The following HS2ST1 variants were observed in gnomAD, a reference collection of about 807,000 sequenced individuals.
HS2ST1 encodes 2-O-sulfotransferase.
A neutral mutation model predicts 42.9 loss-of-function variants in HS2ST1; 18 were observed. That is an observed-to-expected ratio of 0.42 (90% CI 0.29 to 0.62). The LOEUF (loss-of-function observed/expected upper bound fraction) is 0.62, where lower values mean the gene tolerates loss of function less well. Among genes scored for constraint, HS2ST1 ranks in the 20% least tolerant of loss-of-function variants. The probability of loss-of-function intolerance (pLI) is 0.21; values close to 1 mark genes in which losing one functional copy is unlikely to be tolerated. For missense variants in HS2ST1, 334 were observed against 433.8 expected, an observed-to-expected ratio of 0.77 and a Z score of 2.04; for synonymous variants, 146 against 152.9, an observed-to-expected ratio of 0.95 and a Z score of 0.33.
At chr1:86,925,757 A>C (rs1262169995) in intron 1 of HS2ST1, among the ~76,000 whole-genome samples, 1 of 152,168 alleles carries the variant, frequency 6.6e-6, no homozygotes, top group East Asian at 1.9e-4. Flanking sequence ...AAACCATATC[A>C]CATGCTTTTC....
chr1:87,010,050 CAAAACAAAAAAA>C (rs1649553791), intron 1 of HS2ST1, among the ~76,000 whole-genome samples: 2 of 35,316 alleles, frequency 5.7e-5, no homozygotes, highest in African/African-American at 1.0e-4. Context: ...CAAAACAAAA[CAAAACAAAAAAA>C]AAAACAAAAA....
chr1:86,963,864 T>C (rs1427868755), intron 1 of HS2ST1, among the ~76,000 whole-genome samples: 1 of 139,850 alleles, frequency 7.2e-6, no homozygotes, highest in Non-Finnish European at 1.6e-5. Context: ...CCGGACGGGG[T>C]GGCTGGCCGG....
chr1:86,942,236 A>C (rs1327506584), intron 1 of HS2ST1, among the ~76,000 whole-genome samples: 1 of 152,216 alleles, frequency 6.6e-6, no homozygotes, highest in Non-Finnish European at 1.5e-5. Flanking sequence ...TGTTTATAGA[A>C]CTAGATTGTT....
chr1:86,999,242 G>A (rs112663576), intron 1 of HS2ST1, among the ~76,000 whole-genome samples: 3,580 of 151,970 alleles, frequency 0.024, 74 homozygotes, highest in African/African-American at 0.049. Context: ...GCAATGGTGC[G>A]ATCTCGGCTC....
At chr1:87,063,954 C>T (rs924061277) in intron 1 of HS2ST1, among the ~76,000 whole-genome samples, 1 of 152,172 alleles carries the variant, frequency 6.6e-6, no homozygotes, top group African/African-American at 2.4e-5. Context: ...TCCACTGATA[C>T]TGCAGAGGTG....
chr1:87,049,200 G>T (rs1650771774), intron 1 of HS2ST1, among the ~76,000 whole-genome samples: 1 of 151,896 alleles, frequency 6.6e-6, no homozygotes, highest in African/African-American at 2.4e-5. Context: ...ATTGGCTACA[G>T]TTGCTTATAA....
chr1:87,063,666 C>T (rs1557533072), intron 1 of HS2ST1, among the ~76,000 whole-genome samples: 1 of 152,086 alleles, frequency 6.6e-6, no homozygotes, highest in Non-Finnish European at 1.5e-5. Flanking sequence ...ATTTTCTCTA[C>T]TGAGATTGTA....
chr1:86,930,810 T>G (rs1660527113), intron 1 of HS2ST1, among the ~76,000 whole-genome samples: 1 of 152,010 alleles, frequency 6.6e-6, no homozygotes. Context: ...GTTGAGTATT[T>G]GTTTTATGTG....
At chr1:86,979,630 A>G (rs1570460687) in intron 1 of HS2ST1, among the ~76,000 whole-genome samples, 1 of 152,248 alleles carries the variant, frequency 6.6e-6, no homozygotes, top group East Asian at 1.9e-4. Flanking sequence ...GATTGCTTCT[A>G]CCTTTTGGCT....
chr1:86,942,726 C>T (rs896221985), intron 1 of HS2ST1, among the ~76,000 whole-genome samples: 2 of 152,098 alleles, frequency 1.3e-5, no homozygotes, highest in Admixed American at 6.6e-5. Flanking sequence ...TCCCCTACTC[C>T]AATCTCCTTA....
intron 1 of HS2ST1, among the ~76,000 whole-genome samples, chr1:86,930,178 C>T (rs1185681345): frequency 6.6e-6 from 1 of 151,782 alleles, no homozygotes; most frequent in Non-Finnish European, 1.5e-5. Context: ...TTGAATTTAA[C>T]ATGTAGCTGT....
At chr1:87,078,797 TAGGC>T (rs1452813868) in intron 2 of HS2ST1, among the ~76,000 whole-genome samples, 1 of 152,154 alleles carries the variant, frequency 6.6e-6, no homozygotes, top group African/African-American at 2.4e-5. Context: ...CTCAAGGTCT[TAGGC>T]AGCATGCCCA....
At chr1:86,956,135 G>A (rs1052411261) in intron 1 of HS2ST1, among the ~76,000 whole-genome samples, 4 of 152,110 alleles carry the variant, frequency 2.6e-5, no homozygotes, top group East Asian at 1.9e-4. Context: ...GAACATATTT[G>A]TTAAGAATTA....
intron 1 of HS2ST1, among the ~76,000 whole-genome samples, chr1:86,950,770 G>A (rs187549012): frequency 6.9e-6 from 1 of 143,998 alleles, no homozygotes; most frequent in Admixed American, 6.7e-5. Context: ...TAATTTAGAT[G>A]AAGAAGGAAG....
At chr1:86,971,462 A>G (rs368809378) in intron 1 of HS2ST1, among the ~76,000 whole-genome samples, 1 of 152,084 alleles carries the variant, frequency 6.6e-6, no homozygotes, top group Non-Finnish European at 1.5e-5. Context: ...CCTAACCAAT[A>G]TATAAATTGG....
intron 4 of HS2ST1, among the ~76,000 whole-genome samples, chr1:87,096,295 T>C (rs1274929494): frequency 6.6e-6 from 1 of 152,220 alleles, no homozygotes; most frequent in Non-Finnish European, 1.5e-5. Flanking sequence ...TTTTACACTT[T>C]GAATGAATCT....
At chr1:86,922,900 T>C (rs182650466) in intron 1 of HS2ST1, among the ~76,000 whole-genome samples, 2 of 152,318 alleles carry the variant, frequency 1.3e-5, no homozygotes, top group Admixed American at 6.5e-5. Flanking sequence ...TTTTTGGCTA[T>C]TATTTCTTCA....
At position 86,996,754 on chromosome 1, in the gene HS2ST1, CAT is replaced by C. The variant is rs760886282; in HGVS notation, c.125-76177_125-76176del. ...CTTGGGATATTAAAAATATTAGACA[CAT>C]ATTTAAAATAACTATGCTTATGAAT... On this transcript the variant is annotated intron_variant, in intron 1 of 6. Coordinates refer to ENST00000370550, the MANE Select transcript of HS2ST1 (RefSeq NM_012262.4). Among the ~76,000 whole-genome samples, 68 of 152,080 alleles carry C rather than the reference CAT, an allele frequency of 4.5e-4. 1 individual carries two copies. Among genetic ancestry groups the C allele is most frequent in the Non-Finnish European group, 9.3e-4 (63 of 68,010 alleles).
At chr1:86,938,435 C>G (rs557895813) in intron 1 of HS2ST1, among the ~76,000 whole-genome samples, 1 of 152,174 alleles carries the variant, frequency 6.6e-6, no homozygotes, top group African/African-American at 2.4e-5. Flanking sequence ...GTGAATAATT[C>G]CTCCTGCCCA....
Sources: gnomAD v4.1 joint callset for allele counts (sites outside exome capture counted in the v4.1 genomes callset) on GRCh38, gnomAD v4.1.1 for gene constraint, MANE v1.5 for transcripts, NCBI Gene and HGNC (gene_info 2026-07-23, HGNC 2026-07-21) for gene names.